The following EXOC6B variants were observed in gnomAD, a reference collection of about 807,000 sequenced individuals.
The protein encoded by EXOC6B is exocyst complex component 6B.
EXOC6B carries 54 observed loss-of-function variants against 113.5 expected under a neutral mutation model. That is an observed-to-expected ratio of 0.48 (90% CI 0.38 to 0.60). The LOEUF is 0.60. Ranked by LOEUF, EXOC6B falls within the 20% of genes least tolerant of loss-of-function variation. EXOC6B has a pLI of 0.00. For synonymous variants in EXOC6B, 357 were observed against 339.0 expected (o/e 1.05, Z -0.58); for missense variants, 797 against 977.5 (o/e 0.82, Z 2.46).
chr2:72,567,146 T>TA (rs1213274904), intron 7 of EXOC6B, among the ~76,000 whole-genome samples: 1 of 151,802 alleles, frequency 6.6e-6, no homozygotes, highest in Non-Finnish European at 1.5e-5. Flanking sequence ...AGTTGAACCC[T>TA]AAAAAATAAT....
chr2:72,449,876 A>G (rs1027747327), intron 18 of EXOC6B, among the ~76,000 whole-genome samples: 1 of 152,336 alleles, frequency 6.6e-6, no homozygotes, highest in Non-Finnish European at 1.5e-5. Context: ...TTGCCTTTGC[A>G]CCATCCCAGA....
At chr2:72,231,051 A>G (rs1559040482) in intron 20 of EXOC6B, among the ~76,000 whole-genome samples, 1 of 152,216 alleles carries the variant, frequency 6.6e-6, no homozygotes, top group African/African-American at 2.4e-5. Flanking sequence ...CTTACTGAGT[A>G]TATTTGACTT....
intron 8 of EXOC6B, among the ~76,000 whole-genome samples, chr2:72,535,690 T>C (rs1322036503): frequency 6.6e-6 from 1 of 151,614 alleles, no homozygotes; most frequent in Non-Finnish European, 1.5e-5. Flanking sequence ...CTGACCAACA[T>C]AGAGAAACCC....
intron 18 of EXOC6B, among the ~76,000 whole-genome samples, chr2:72,461,220 A>T (rs1327579901): frequency 1.7e-5 from 1 of 59,850 alleles, no homozygotes; most frequent in Admixed American, 2.5e-4. Flanking sequence ...GGGTGGGGGG[A>T]GGGGGGAGGG....
chr2:72,463,538 T>A (rs1697842784), intron 18 of EXOC6B: 1 of 152,016 alleles, frequency 6.6e-6, no homozygotes, highest in Non-Finnish European at 1.5e-5. Flanking sequence ...AGAGACTAAC[T>A]ACTAGGGGGC....
intron 6 of EXOC6B, among the ~76,000 whole-genome samples, chr2:72,601,268 C>T (rs1168025150): frequency 6.6e-6 from 1 of 151,846 alleles, no homozygotes; most frequent in Non-Finnish European, 1.5e-5. Context: ...CTGCAAGCTC[C>T]ACCTCCCGGG....
intron 1 of EXOC6B, among the ~76,000 whole-genome samples, chr2:72,782,166 GA>G (rs371098604): frequency 1.1e-4 from 16 of 147,242 alleles, no homozygotes; most frequent in African/African-American, 3.2e-4. Context: ...GAAAAGAAAA[GA>G]AAAGAAATAT....
intron 19 of EXOC6B, among the ~76,000 whole-genome samples, chr2:72,367,538 A>G (rs1340466559): frequency 1.3e-5 from 2 of 152,248 alleles, no homozygotes; most frequent in East Asian, 1.9e-4. Context: ...AATTTTAACA[A>G]CTATCTGCAG....
intron 20 of EXOC6B, among the ~76,000 whole-genome samples, chr2:72,188,514 G>A (rs1445589959): frequency 7.2e-5 from 11 of 152,068 alleles, no homozygotes; most frequent in Admixed American, 7.2e-4. Context: ...GAACTCTGAG[G>A]GTACTTAACT....
At chr2:72,267,090 T>G (rs1167090887) in intron 20 of EXOC6B, among the ~76,000 whole-genome samples, 1 of 152,156 alleles carries the variant, frequency 6.6e-6, no homozygotes, top group Non-Finnish European at 1.5e-5. Context: ...TGCTTGTGAT[T>G]TTTGTACATT....
intron 1 of EXOC6B, among the ~76,000 whole-genome samples, chr2:72,752,960 C>A (rs938575645): frequency 2.0e-5 from 3 of 152,054 alleles, no homozygotes; most frequent in African/African-American, 7.2e-5. Flanking sequence ...ACCACTTCTT[C>A]TCACTCTTCA....
intron 6 of EXOC6B, among the ~76,000 whole-genome samples, chr2:72,675,638 C>T (rs1375206354): frequency 2.0e-5 from 3 of 151,990 alleles, no homozygotes. Context: ...ACAAAAAATA[C>T]AAAAATTAGC....
chr2:72,260,643 TG>T (rs933951452), intron 20 of EXOC6B, among the ~76,000 whole-genome samples: 3 of 152,066 alleles, frequency 2.0e-5, no homozygotes, highest in Non-Finnish European at 4.4e-5. Flanking sequence ...GGAGTAAAAA[TG>T]AGCCATCCAG....
intron 20 of EXOC6B, among the ~76,000 whole-genome samples, chr2:72,224,947 T>C (rs990871318): frequency 1.3e-5 from 2 of 150,796 alleles, no homozygotes; most frequent in African/African-American, 2.4e-5. Context: ...TGTGTATACA[T>C]ATATTTCTGT....
chr2:72,641,724 A>G (rs956665658), intron 6 of EXOC6B, among the ~76,000 whole-genome samples: 15 of 152,234 alleles, frequency 9.9e-5, no homozygotes, highest in African/African-American at 2.4e-5. Flanking sequence ...CTCTAAGCAC[A>G]GTGTCTGAGC....
At chr2:72,571,635 G>A (rs1363002083) in intron 7 of EXOC6B, among the ~76,000 whole-genome samples, 1 of 152,112 alleles carries the variant, frequency 6.6e-6, no homozygotes, top group African/African-American at 2.4e-5. Context: ...TAAGCTGAGG[G>A]TGGGGAAGAG....
At chr2:72,458,133 C>G (rs1697365081) in intron 18 of EXOC6B, among the ~76,000 whole-genome samples, 1 of 152,106 alleles carries the variant, frequency 6.6e-6, no homozygotes, top group Non-Finnish European at 1.5e-5. Context: ...TTTTTTCTAT[C>G]AATCAATCCC....
At chr2:72,267,810 A>G (rs1005605459) in intron 20 of EXOC6B, among the ~76,000 whole-genome samples, 8 of 152,190 alleles carry the variant, frequency 5.3e-5, no homozygotes, top group Non-Finnish European at 8.8e-5. Context: ...GGCAGAAGAC[A>G]TTTCTAAGAA....
At chr2:72,693,238 T>C (rs1257728713) in intron 6 of EXOC6B, among the ~76,000 whole-genome samples, 1 of 151,152 alleles carries the variant, frequency 6.6e-6, no homozygotes, top group Non-Finnish European at 1.5e-5. Context: ...CAGACTCAGA[T>C]GGTCTCACCT....
Sources: allele counts gnomAD v4.1 joint callset (sites outside exome capture counted in the v4.1 genomes callset), GRCh38; gene constraint gnomAD v4.1.1; transcripts MANE v1.5; gene names NCBI Gene and HGNC (gene_info 2026-07-23, HGNC 2026-07-21).